DCLRE1C: variants seen among roughly 807,000 people sequenced by gnomAD.
DCLRE1C encodes protein artemis.
Under a neutral mutation model 61.4 loss-of-function variants are expected in DCLRE1C, and 47 were observed. That is an observed-to-expected ratio of 0.77 (90% confidence interval 0.61 to 0.98). DCLRE1C has a LOEUF of 0.98. DCLRE1C is among the 50% of genes least tolerant of loss of function. The probability of loss-of-function intolerance (pLI) is 0.00; values close to 1 mark genes in which losing one functional copy is unlikely to be tolerated. For synonymous variants in DCLRE1C, 337 were observed against 287.6 expected, an observed-to-expected ratio of 1.17 and a Z score of -1.74; for missense variants, 858 against 816.0, an observed-to-expected ratio of 1.05 and a Z score of -0.63.
intron 13 of DCLRE1C, 119 bp from the exon 14 acceptor site, chr10:14,909,449 G>T: frequency 1.2e-6 from 1 of 852,440 alleles, no homozygotes; most frequent in South Asian, 1.7e-5. Context: ...CTTCTTCAAA[G>T]GGAAAAGATA....
chr10:14,907,047 G>A lies in DCLRE1C; in HGVS notation c.*1361C>T, dbSNP rs1230606787. Among the ~76,000 whole-genome samples, 2 of 151,924 alleles carry A rather than the reference G, an allele frequency of 1.3e-5. No homozygotes were observed. Among genetic ancestry groups the A allele is most frequent in the Non-Finnish European group, 2.9e-5 (2 of 68,002 alleles). ...CCATGTCTGGCTAACATTTTGTGGA[G>A]ACAGGGTCTCCCTGTGTGTTGCCCA... On this transcript the variant is annotated 3_prime_UTR_variant, in exon 14 of 14. Coordinates refer to ENST00000378278, the MANE Select transcript of DCLRE1C (RefSeq NM_001033855.3).
chr10:14,951,271 C>T (rs1842410576), intron 1 of DCLRE1C, among the ~76,000 whole-genome samples: 1 of 151,528 alleles, frequency 6.6e-6, no homozygotes, highest in Non-Finnish European at 1.5e-5. Context: ...ATCCCAACTA[C>T]TCAGGTGGGA....
chr10:14,897,549 G>T (rs765552536), exon 14 of DCLRE1C: 279 of 1,470,628 alleles, frequency 1.9e-4, no homozygotes, highest in South Asian at 3.5e-4. Flanking sequence ...GTAAATGATG[G>T]ACATGCAAGG....
At chr10:14,904,464 T>G (rs1834233798), downstream of DCLRE1C, 1 of 152,068 alleles carries the variant, frequency 6.6e-6, no homozygotes, top group Non-Finnish European at 1.5e-5. Flanking sequence ...TGGCCATACT[T>G]TGAATTGTGA....
chr10:14,914,921 CAG>C (rs1360484066), intron 13 of DCLRE1C, among the ~76,000 whole-genome samples: 8 of 149,416 alleles, frequency 5.4e-5, no homozygotes, highest in Admixed American at 4.0e-4. Context: ...GCCTGGGGAA[CAG>C]AGAGAATCCA....
rs1839611363 is a variant in DCLRE1C at position 14,934,715 on chromosome 10, T to C, written c.525A>G (p.Gln175=). The change falls in exon 7 of 14, where the codon CAA becomes CAG. Residue 175 remains glutamine (Q), a synonymous_variant. Transcript: ENST00000378278. ...DTTFCDPRFY[Q]IPSREECLSG... The stretch of plus-strand genomic sequence containing the variant: ...CAGGCAGACTTACCCGACTTGGAAT[T>C]TGGTAAAATCTTGGATCACAGAACG... 2 of 1,613,938 alleles carry C rather than the reference T, an allele frequency of 1.2e-6. No homozygotes were observed. Among genetic ancestry groups the C allele is most frequent in the African/African-American group, 1.3e-5 (1 of 74,914 alleles).
At chr10:14,919,634 C>A in intron 13 of DCLRE1C, 104 bp downstream of exon 13, 1 of 866,918 alleles carries the variant, frequency 1.2e-6, no homozygotes. Flanking sequence ...TGTGGTGGGT[C>A]CCAGGTCCAC....
chr10:14,939,485 G>A (rs200580440), intron 4 of DCLRE1C, among the ~76,000 whole-genome samples: 8 of 150,578 alleles, frequency 5.3e-5, no homozygotes, highest in Non-Finnish European at 8.9e-5. Context: ...CACCAGACAC[G>A]AAATCTGCTG....
chr10:14,897,647 A>G (rs1184727722), exon 14 of DCLRE1C: 3 of 837,646 alleles, frequency 3.6e-6, no homozygotes, highest in Non-Finnish European at 4.9e-6. Context: ...GTAGAAATTT[A>G]TTCAGATTTA....
chr10:14,898,202 CTTTTTTTT>C (rs919860514), exon 14 of DCLRE1C: 18 of 56,148 alleles, frequency 3.2e-4, no homozygotes, highest in Admixed American at 1.2e-3. Flanking sequence ...AGTACTGTTT[CTTTTTTTT>C]TTTTTTTTTT....
At chr10:14,946,062 C>T (rs1326276779) in intron 2 of DCLRE1C, among the ~76,000 whole-genome samples, 2 of 148,824 alleles carry the variant, frequency 1.3e-5, no homozygotes, top group East Asian at 2.0e-4. Flanking sequence ...GGCTGGAGTG[C>T]GGTGGCGCGA....
At chr10:14,936,502 CATATA>C (rs768509165) in intron 5 of DCLRE1C, 31 bp downstream of exon 5, 1 of 1,550,136 alleles carries the variant, frequency 6.5e-7, no homozygotes, top group Non-Finnish European at 8.9e-7. Flanking sequence ...TATGTGTCTA[CATATA>C]ATAAAATGAC....
intron 5 of DCLRE1C, among the ~76,000 whole-genome samples, chr10:14,936,011 C>G (rs879674410): frequency 6.6e-6 from 1 of 152,114 alleles, no homozygotes; most frequent in Non-Finnish European, 1.5e-5. Context: ...TGGGATCAAG[C>G]AATTCCCCAG....
chr10:14,950,647 C>T (rs1034615532), intron 1 of DCLRE1C, among the ~76,000 whole-genome samples: 2 of 152,180 alleles, frequency 1.3e-5, no homozygotes, highest in Admixed American at 6.5e-5. Flanking sequence ...CAGCATTCTC[C>T]GTAATTGGAG....
intron 13 of DCLRE1C, among the ~76,000 whole-genome samples, chr10:14,913,239 A>G (rs1835590789): frequency 6.6e-6 from 1 of 152,364 alleles, no homozygotes; most frequent in East Asian, 1.9e-4. Flanking sequence ...AAGGCCGGGA[A>G]TAGTAATGGG....
At chr10:14,921,957 C>G (rs1837189324) in intron 12 of DCLRE1C, among the ~76,000 whole-genome samples, 1 of 152,234 alleles carries the variant, frequency 6.6e-6, no homozygotes, top group Admixed American at 6.5e-5. Context: ...CAAGCCTGGT[C>G]CTGTCTGTCC....
intron 9 of DCLRE1C, 100 bp downstream of exon 9, chr10:14,932,754 T>C: frequency 7.1e-7 from 1 of 1,403,074 alleles, no homozygotes; most frequent in Non-Finnish European, 1.0e-6. Flanking sequence ...GCCTCAGGTT[T>C]TACATTTGTA....
intron 9 of DCLRE1C, among the ~76,000 whole-genome samples, chr10:14,928,557 G>A (rs1838416313): frequency 2.0e-5 from 3 of 152,122 alleles, no homozygotes; most frequent in Admixed American, 2.0e-4. Flanking sequence ...ACAGCTAATA[G>A]TACTATATGA....
intron 9 of DCLRE1C, among the ~76,000 whole-genome samples, chr10:14,929,478 C>T (rs1250169110): frequency 1.4e-5 from 2 of 144,574 alleles, no homozygotes; most frequent in Admixed American, 1.4e-4. Context: ...TCCATCTCTA[C>T]AAAAAAATGT....
Sources: allele counts gnomAD v4.1 joint callset (sites outside exome capture counted in the v4.1 genomes callset), GRCh38; gene constraint gnomAD v4.1.1; transcripts MANE v1.5; gene names NCBI Gene and HGNC (gene_info 2026-07-23, HGNC 2026-07-21).